ADGRV1: variants seen among roughly 807,000 people sequenced by gnomAD.
ADGRV1 encodes the protein adhesion G protein-coupled receptor V1, also known as G-protein coupled receptor 98.
In ADGRV1, 359 loss-of-function variants were observed where a neutral mutation model predicts 596.2. That is an observed-to-expected ratio of 0.60 (90% CI 0.55 to 0.66). The LOEUF (loss-of-function observed/expected upper bound fraction) is 0.66, where lower values mean the gene tolerates loss of function less well. Ranked by LOEUF, ADGRV1 falls within the 30% of genes least tolerant of loss-of-function variation. ADGRV1 has a pLI of 0.00. For missense variants in ADGRV1, 7,274 were observed against 7,575.6 expected, an observed-to-expected ratio of 0.96 and a Z score of 1.48; for synonymous variants, 2,681 against 2,679.2, an observed-to-expected ratio of 1.00 and a Z score of -0.02.
intron 83 of ADGRV1, among the ~76,000 whole-genome samples, chr5:90,913,085 T>C (rs1044632188): frequency 6.6e-6 from 1 of 152,206 alleles, no homozygotes; most frequent in Non-Finnish European, 1.5e-5. Context: ...GTATAAATCA[T>C]GTGCCACACT....
At chr5:91,001,757 A>G (rs1967254) in intron 85 of ADGRV1, among the ~76,000 whole-genome samples, 20,963 of 152,140 alleles carry the variant, frequency 0.14, 1,948 homozygotes, top group African/African-American at 0.24. Flanking sequence ...ACATCTTTCA[A>G]TACCATTTTA....
chr5:90,674,277 T>A (rs763748524), intron 23 of ADGRV1, 43 bp downstream of exon 23: 88 of 1,467,160 alleles, frequency 6.0e-5, no homozygotes, highest in Non-Finnish European at 7.5e-5. Context: ...CTTCTCTGGG[T>A]GTACTTAGTT....
At chr5:91,088,956 A>G (rs1790139958) in intron 86 of ADGRV1, among the ~76,000 whole-genome samples, 2 of 152,160 alleles carry the variant, frequency 1.3e-5, no homozygotes, top group South Asian at 4.1e-4. Context: ...CATTCAATCC[A>G]GGAATTGCCT....
At chr5:91,049,074 A>T (rs1786088946) in intron 85 of ADGRV1, among the ~76,000 whole-genome samples, 1 of 152,118 alleles carries the variant, frequency 6.6e-6, no homozygotes, top group African/African-American at 2.4e-5. Context: ...TAAAAAAAAA[A>T]AATAAACCAA....
intron 86 of ADGRV1, among the ~76,000 whole-genome samples, chr5:91,100,171 C>T (rs192409479): frequency 7.2e-5 from 11 of 152,164 alleles, no homozygotes; most frequent in Non-Finnish European, 1.5e-5. Flanking sequence ...CCAGTAATCC[C>T]AGCACTTTGG....
chr5:90,904,565 G>C (rs1772145663), intron 83 of ADGRV1, among the ~76,000 whole-genome samples: 2 of 151,812 alleles, frequency 1.3e-5, no homozygotes, highest in Admixed American at 1.3e-4. Context: ...TGTCTTCTTT[G>C]AGATATGCCT....
chr5:90,990,772 C>T (rs1327088996), intron 85 of ADGRV1, among the ~76,000 whole-genome samples: 1 of 152,140 alleles, frequency 6.6e-6, no homozygotes, highest in African/African-American at 2.4e-5. Flanking sequence ...GAAATCTGCC[C>T]CTGAGTGATT....
intron 28 of ADGRV1, 110 bp downstream of exon 28, chr5:90,684,305 T>G (rs1441619219): frequency 2.0e-6 from 2 of 1,009,454 alleles, no homozygotes; most frequent in Non-Finnish European, 2.8e-6. Context: ...AAACTCTAAC[T>G]TTGAAAATGT....
chr5:90,995,672 A>G (rs563742944), intron 85 of ADGRV1, among the ~76,000 whole-genome samples: 1 of 152,326 alleles, frequency 6.6e-6, no homozygotes, highest in East Asian at 1.9e-4. Flanking sequence ...AGGGCTCAGA[A>G]GACATGAAGA....
intron 78 of ADGRV1, among the ~76,000 whole-genome samples, chr5:90,845,885 C>T (rs1016097378): frequency 3.3e-5 from 5 of 152,126 alleles, no homozygotes; most frequent in Admixed American, 2.0e-4. Flanking sequence ...ATTCAGTTTG[C>T]TTGTTTCAGT....
intron 59 of ADGRV1, among the ~76,000 whole-genome samples, chr5:90,770,826 T>G (rs1327058724): frequency 6.6e-6 from 1 of 152,162 alleles, no homozygotes; most frequent in Non-Finnish European, 1.5e-5. Context: ...CTATTGACAG[T>G]TTTTTATATA....
intron 85 of ADGRV1, among the ~76,000 whole-genome samples, chr5:91,063,548 G>T (rs1348473366): frequency 6.6e-6 from 1 of 152,032 alleles, no homozygotes; most frequent in African/African-American, 2.4e-5. Flanking sequence ...CATCATTTTG[G>T]AACAGTTGGC....
intron 85 of ADGRV1, among the ~76,000 whole-genome samples, chr5:91,014,526 T>G (rs116314297): frequency 0.019 from 2,885 of 149,694 alleles, 82 homozygotes; most frequent in African/African-American, 0.066. Context: ...TTGTTTTTTG[T>G]TTTTTTTTGG....
intron 83 of ADGRV1, 144 bp downstream of exon 83, chr5:90,864,001 A>T: frequency 1.7e-6 from 1 of 587,442 alleles, no homozygotes; most frequent in Non-Finnish European, 3.0e-6. Flanking sequence ...GAGAATGGGG[A>T]CAGGAGAGTC....
At chr5:90,825,782 A>G (rs1490038569) in intron 76 of ADGRV1, 1 of 152,192 alleles carries the variant, frequency 6.6e-6, no homozygotes, top group African/African-American at 2.4e-5. Flanking sequence ...AATACATGGG[A>G]TGCTAACTGT....
At chr5:91,121,192 G>A (rs573084568) in intron 87 of ADGRV1, among the ~76,000 whole-genome samples, 10 of 152,170 alleles carry the variant, frequency 6.6e-5, no homozygotes, top group Middle Eastern at 3.4e-3. Context: ...AATAAAAAAG[G>A]AAAGTACAGA....
At chr5:90,854,416 T>C (rs2150411197) in intron 81 of ADGRV1, among the ~76,000 whole-genome samples, 1 of 152,296 alleles carries the variant, frequency 6.6e-6, no homozygotes, top group East Asian at 1.9e-4. Flanking sequence ...GTGTAACACA[T>C]TATTTACTTC....
Position 90,972,848 on chromosome 5 carries a change from G to A in ADGRV1, c.17973+7317G>A, listed in dbSNP as rs187997594. On this transcript the variant is annotated intron_variant, in intron 84 of 89. Transcript: ENST00000405460. ...CTAGCAGAAGACAAGAAATAACTAA[G>A]ATCAGAGCAGAAATGAAGGAGATAG... is the stretch of plus-strand genomic sequence containing the variant. Among the ~76,000 whole-genome samples, 1,491 of 151,996 alleles carry A rather than the reference G, an allele frequency of 9.8e-3. 17 individuals carry two copies. The highest frequency in any genetic ancestry group is 0.033 in the African/African-American group (1,373 of 41,488).
chr5:90,961,951 G>C (rs909464515), intron 83 of ADGRV1, among the ~76,000 whole-genome samples: 3 of 152,114 alleles, frequency 2.0e-5, no homozygotes, highest in Non-Finnish European at 2.9e-5. Flanking sequence ...GGAGTAAAAC[G>C]AATTGAGAAA....
Sources: allele counts gnomAD v4.1 joint callset (sites outside exome capture counted in the v4.1 genomes callset), GRCh38; gene constraint gnomAD v4.1.1; transcripts MANE v1.5; gene names NCBI Gene and HGNC (gene_info 2026-07-23, HGNC 2026-07-21).